Variants in KCNN1 observed in about 807,000 individuals in gnomAD.
KCNN1 encodes the protein small conductance calcium-activated potassium channel protein 1.
KCNN1 carries 20 observed loss-of-function variants against 44.7 expected under a neutral mutation model. That is an observed-to-expected ratio of 0.45 (90% confidence interval 0.32 to 0.65). The LOEUF is 0.65. Among genes scored for constraint, KCNN1 ranks in the 30% least tolerant of loss-of-function variants. KCNN1 has a pLI of 0.05. For missense variants in KCNN1, 632 were observed against 785.3 expected (o/e 0.80, Z 2.33); for synonymous variants, 324 against 341.7 (o/e 0.95, Z 0.57).
intron 1 of KCNN1, among the ~76,000 whole-genome samples, chr19:17,953,134 C>T (rs1397259055): frequency 2.0e-5 from 3 of 152,204 alleles, no homozygotes; most frequent in African/African-American, 7.2e-5. Flanking sequence ...CGCTCTCTTC[C>T]GGGGCTCCCA....
intron 1 of KCNN1, among the ~76,000 whole-genome samples, chr19:17,954,329 C>A (rs1297239809): frequency 6.6e-6 from 1 of 152,140 alleles, no homozygotes; most frequent in African/African-American, 2.4e-5. Context: ...TGGTGGCAGG[C>A]ACCTGTAATC....
chr19:17,965,253 G>A (rs1452274842), upstream of KCNN1, among the ~76,000 whole-genome samples: 2 of 148,046 alleles, frequency 1.4e-5, no homozygotes, highest in African/African-American at 5.1e-5. Context: ...CAGCCTGGGC[G>A]ACAAAGTGAG....
rs1210532328 is a variant in KCNN1, at chr19:17,998,241, G to A, written c.1467G>A (p.Leu489=). The change falls in exon 10 of 10, where the codon TTG becomes TTA. Residue 489 remains leucine (L), a synonymous_variant. Coordinates refer to ENST00000684775, the MANE Select transcript of KCNN1 (RefSeq NM_001386974.1). This position sits in a 1 kb window ranked among gnomAD's most constrained non-coding sequence, Gnocchi z 5.4. The stretch of plus-strand genomic sequence containing the variant: ...GCCTGGCCACCCTGGAAAGCCGCTT[G>A]GATGCGCTGGGTGCCTCTCTACAGG... The part of the protein sequence containing the change: ...EARLATLESR[L]DALGASLQAL... 5.7e-6 allele frequency: 9 copies of A among 1,572,150 alleles called. No homozygotes were observed. The highest frequency in any genetic ancestry group is 4.7e-5 in the East Asian group (2 of 42,396).
rs1326864160 is a variant in KCNN1 at position 17,983,208 on chromosome 19, G to GAGGC, written c.917+1085_917+1088dup. 2.0e-5 allele frequency among the ~76,000 whole-genome samples: 3 copies of GAGGC among 152,064 alleles called. No individual in the cohort carries two copies. The highest frequency in any genetic ancestry group is 7.2e-5 in the African/African-American group (3 of 41,392). On this transcript the variant is annotated intron_variant, in intron 4 of 9. Coordinates refer to ENST00000684775, the MANE Select transcript of KCNN1 (RefSeq NM_001386974.1). The surrounding 1 kb of genome is among the most constrained non-coding windows in gnomAD (Gnocchi z 4.5). The stretch of plus-strand genomic sequence containing the variant: ...GGAGCCTTGAGTCCTGGCAGTCTCA[G>GAGGC]AGGCAGGAGGGGCTCCGCCAGGCCT...
intron 2 of KCNN1, among the ~76,000 whole-genome samples, chr19:17,957,720 C>T (rs2031579723): frequency 6.6e-6 from 1 of 152,076 alleles, no homozygotes; most frequent in Admixed American, 6.6e-5. Flanking sequence ...AACTCAGCGG[C>T]TGCAGTGAGG....
chr19:17,951,447 T>C (rs1257741711), intron 1 of KCNN1: 1 of 152,184 alleles, frequency 6.6e-6, no homozygotes, highest in Non-Finnish European at 1.5e-5. Context: ...AAACTGAGGC[T>C]CAGAAAGGGG....
Position 17,975,093 on chromosome 19 carries a change from A to T in KCNN1, c.404A>T (p.Glu135Val). The change falls in exon 3 of 10, where the codon GAG becomes GTG. Residue 135 changes from glutamate to valine, a missense_variant and splice_region_variant. By Grantham distance (121) the Glu-to-Val change is moderately radical. Coordinates refer to ENST00000684775, the MANE Select transcript of KCNN1 (RefSeq NM_001386974.1). Reference protein sequence around the residue: ...TELSWGVYTKESLYSFALKCL... With the variant: ...TELSWGVYTKVSLYSFALKCL... ...GGCTGTGTCCTCTCTCTTTACCAGG[A>T]GTCTCTGTACTCATTCGCACTCAAA... 1.9e-6 allele frequency: 3 copies of T among 1,612,770 alleles called. No homozygotes were observed. Among genetic ancestry groups the T allele is most frequent in the Non-Finnish European group, 2.5e-6 (3 of 1,178,888 alleles).
upstream of KCNN1, among the ~76,000 whole-genome samples, chr19:17,964,422 C>T (rs2031750217): frequency 6.6e-6 from 1 of 152,256 alleles, no homozygotes; most frequent in East Asian, 1.9e-4. The surrounding 1 kb of genome is among the most constrained non-coding windows in gnomAD (Gnocchi z 4.3). Flanking sequence ...AGACCAGAGG[C>T]CCAGCCCTCA....
At position 17,997,970 on chromosome 19, in the gene KCNN1, G is replaced by A. The variant is rs571133442; in HGVS notation, c.1378-182G>A. Among the ~76,000 whole-genome samples, 12 of 151,712 alleles carry A rather than the reference G, an allele frequency of 7.9e-5. No homozygotes were observed. The South Asian group carries it at 2.3e-3, about 29-fold the overall frequency. ...CATCCACTCTCCAATCCTTCCCTGG[G>A]CCCAGCAAGGGACCTCTGGGGCTGG... On this transcript the variant is annotated intron_variant, in intron 9 of 9. Transcript: ENST00000684775.
At chr19:17,977,306 G>A (rs2032238329) in intron 3 of KCNN1, among the ~76,000 whole-genome samples, 1 of 151,492 alleles carries the variant, frequency 6.6e-6, no homozygotes, top group Non-Finnish European at 1.5e-5. Context: ...AAGAACACCA[G>A]TCATTATTGG....
intron 9 of KCNN1, among the ~76,000 whole-genome samples, chr19:17,996,682 C>T (rs543659684): frequency 6.6e-6 from 1 of 152,362 alleles, no homozygotes; most frequent in Non-Finnish European, 1.5e-5. Context: ...GGACACTGCT[C>T]TGGCCTCCAG....
At chr19:17,955,623 A>G (rs903487740) in intron 2 of KCNN1, among the ~76,000 whole-genome samples, 6 of 150,920 alleles carry the variant, frequency 4.0e-5, no homozygotes, top group Non-Finnish European at 8.9e-5. Context: ...ATTATATCAT[A>G]TATATCATGA....
chr19:17,992,912 G>C (rs73024696), intron 7 of KCNN1, 142 bp from the exon 8 acceptor site: 45,551 of 1,018,086 alleles, frequency 0.045, 1,302 homozygotes, highest in Middle Eastern at 0.075. Context: ...AGCAACGGCA[G>C]CCCCTCGGCC....
chr19:17,962,505 A>G (rs1375303498), upstream of KCNN1, among the ~76,000 whole-genome samples: 1 of 152,100 alleles, frequency 6.6e-6, no homozygotes, highest in Non-Finnish European at 1.5e-5. Context: ...TTACCACCAC[A>G]GTGTCCCTGC....
chr19:17,958,599 C>G (rs1262863987), intron 2 of KCNN1, among the ~76,000 whole-genome samples: 1 of 151,444 alleles, frequency 6.6e-6, no homozygotes, highest in Admixed American at 6.6e-5. Flanking sequence ...GATTCTCGTG[C>G]CTTAACCTCC....
In KCNN1 at chr19:17,972,825, C is replaced by A. The variant is rs186028069; in HGVS notation, c.-81-983C>A. The stretch of plus-strand genomic sequence containing the variant: ...TAGCCACCCTCTCCTCCCAGGCAAG[C>A]CCGTTGGTAGATTTCATCTTCCAGC... On this transcript the variant is annotated intron_variant, in intron 1 of 9. Coordinates refer to ENST00000684775, the MANE Select transcript of KCNN1 (RefSeq NM_001386974.1). 2.0e-5 allele frequency among the ~76,000 whole-genome samples: 3 copies of A among 152,330 alleles called. No individual in the cohort carries two copies. In the East Asian group the frequency reaches 5.8e-4, roughly 29 times the overall value.
In KCNN1 at chr19:17,981,700, C is replaced by A; in HGVS notation, c.499-9C>A. 1 of 1,562,776 alleles carries A rather than the reference C, an allele frequency of 6.4e-7. No individual in the cohort carries two copies. Among genetic ancestry groups the A allele is most frequent in the Non-Finnish European group, 8.7e-7 (1 of 1,147,422 alleles). ...ACACCCATGGCTGGTTCCCTCCCGC[C>A]CTCCACAGCTGTTCATGGTGGACAA... On this transcript the variant is annotated splice_polypyrimidine_tract_variant and intron_variant, in intron 3 of 9. Transcript: ENST00000684775.
intron 2 of KCNN1, among the ~76,000 whole-genome samples, chr19:17,956,529 G>A (rs1275309992): frequency 1.3e-5 from 2 of 151,896 alleles, no homozygotes; most frequent in African/African-American, 4.8e-5. Flanking sequence ...GATCACTTGA[G>A]CTCAGGAGCT....
intron 3 of KCNN1, among the ~76,000 whole-genome samples, chr19:17,976,795 A>C (rs2032223067): frequency 1.3e-5 from 2 of 150,812 alleles, no homozygotes; most frequent in African/African-American, 4.9e-5. Flanking sequence ...GGCTCACTGC[A>C]ACCTCCGCCT....
Sources: gnomAD v4.1 joint callset for allele counts (sites outside exome capture counted in the v4.1 genomes callset) on GRCh38, gnomAD v4.1.1 for gene constraint, Gnocchi (gnomAD v3.1) non-coding constraint, MANE v1.5 for transcripts, NCBI Gene and HGNC (gene_info 2026-07-23, HGNC 2026-07-21) for gene names.